Variants in TCOF1 observed in about 807,000 individuals in gnomAD.
TCOF1 encodes treacle protein.
TCOF1 carries 33 observed loss-of-function variants against 149.0 expected under a neutral mutation model. The observed-to-expected ratio is 0.22, with a 90% CI of 0.17 to 0.30. TCOF1 has a LOEUF of 0.30. TCOF1 is among the 10% of genes least tolerant of loss of function. The pLI is 1.00. For synonymous variants in TCOF1, 789 were observed against 738.8 expected (o/e 1.07, Z -1.10); for missense variants, 1,728 against 1,840.7 (o/e 0.94, Z 1.12).
intron 1 of TCOF1, among the ~76,000 whole-genome samples, chr5:150,360,153 C>T (rs1554130461): frequency 6.6e-6 from 1 of 152,208 alleles, no homozygotes; most frequent in Non-Finnish European, 1.5e-5. Flanking sequence ...AACCAGATAG[C>T]AGCCTGCAAG....
chr5:150,397,554 ATGC>A (rs147565688), intron 24 of TCOF1, among the ~76,000 whole-genome samples: 1 of 152,268 alleles, frequency 6.6e-6, no homozygotes, highest in Non-Finnish European at 1.5e-5. Context: ...AGAAGTAGAG[ATGC>A]TGTTCAGGGC....
At chr5:150,396,172 C>T in intron 23 of TCOF1, 110 bp from the exon 24 acceptor site, 2 of 1,253,412 alleles carry the variant, frequency 1.6e-6, no homozygotes, top group South Asian at 2.4e-5. Context: ...CCCATCTGTG[C>T]CATTGTAAGA....
At chr5:150,363,478 C>T (rs778495299) in intron 2 of TCOF1, among the ~76,000 whole-genome samples, 6 of 152,182 alleles carry the variant, frequency 3.9e-5, no homozygotes, top group African/African-American at 7.2e-5. Context: ...ACTCACTTTG[C>T]CATGAGCAAG....
chr5:150,381,765 T>C (rs766864002), intron 17 of TCOF1, among the ~76,000 whole-genome samples: 2 of 152,226 alleles, frequency 1.3e-5, no homozygotes, highest in Non-Finnish European at 2.9e-5. Flanking sequence ...GGATTGACTG[T>C]CTTAAAGTGC....
chr5:150,399,145 A>G, intron 26 of TCOF1, 75 bp downstream of exon 26: 3 of 1,598,294 alleles, frequency 1.9e-6, no homozygotes, highest in Non-Finnish European at 2.6e-6. Context: ...CCAGAGAGCC[A>G]GGCAGACCTG....
chr5:150,392,457 C>T, intron 21 of TCOF1: 1 of 609,438 alleles, frequency 1.6e-6, no homozygotes, highest in Non-Finnish European at 2.9e-6. Flanking sequence ...CAGTGGAAAG[C>T]AGGGAAATAG....
intron 3 of TCOF1, among the ~76,000 whole-genome samples, chr5:150,366,117 C>CAA (rs1189483486): frequency 1.2e-4 from 11 of 95,386 alleles, no homozygotes; most frequent in Admixed American, 2.4e-4. Context: ...AAGACTGTCT[C>CAA]AAAAAAAAAA....
rs912255361 is a variant in TCOF1 at position 150,389,582 on chromosome 5, G to A, written c.3047-305G>A. 2.0e-5 allele frequency among the ~76,000 whole-genome samples: 3 copies of A among 152,220 alleles called. 1 individual carries two copies. Among genetic ancestry groups the A allele is most frequent in the Admixed American group, 1.3e-4 (2 of 15,284 alleles). ...GACGATTTTAACTGCAAGGAGAGTC[G>A]TTTGGTGCCGGTGCTCTGGCCCATT... On this transcript the variant is annotated intron_variant, in intron 18 of 26. Transcript: ENST00000643257.
intron 14 of TCOF1, among the ~76,000 whole-genome samples, chr5:150,377,367 G>A (rs1323966669): frequency 6.6e-6 from 1 of 152,170 alleles, no homozygotes; most frequent in Non-Finnish European, 1.5e-5. Context: ...ACCCAGCAAG[G>A]GAGCTGCACA....
In TCOF1 at chr5:150,376,263, A is replaced by C. The variant is rs1284528004; in HGVS notation, c.2075A>C (p.Asp692Ala). Reference protein sequence around the residue: ...VAGGTQRPAEDSSSSEESDSE... With the variant: ...VAGGTQRPAEASSSSEESDSE... ...GGGGGCACCCAGAGACCAGCAGAGG[A>C]TTCTTCAAGCAGTGAGGAATCAGAT... is the stretch of plus-strand genomic sequence containing the variant. The change falls in exon 13 of 27, where the codon GAT becomes GCT. Residue 692 changes from aspartate to alanine, a missense_variant. Transcript: ENST00000643257. The C allele has an allele frequency of 6.2e-7, 1 of 1,614,066 alleles. No individual in the cohort carries two copies. The highest frequency in any genetic ancestry group is 8.5e-7 in the Non-Finnish European group (1 of 1,180,030).
In TCOF1 at chr5:150,361,120, G is replaced by A. The variant is rs746996870; in HGVS notation, c.109-36G>A. The A allele has an allele frequency of 3.0e-5, 48 of 1,613,786 alleles. 1 individual carries two copies. In the East Asian group the frequency reaches 1.0e-3, roughly 35 times the overall value. On this transcript the variant is annotated intron_variant, in intron 1 of 26. Transcript: ENST00000643257. ...CCCAAGAAGGATCCTTACTGTGCTGGGGATTAATTGTGGCTTTCTCTTTAC... is the reference window on the plus strand; with the variant it reads ...CCCAAGAAGGATCCTTACTGTGCTGAGGATTAATTGTGGCTTTCTCTTTAC...
chr5:150,374,218 C>T lies in TCOF1; in HGVS notation c.915C>T (p.Ala305=). ...EKILQVRAAS[A]PAKGTPGKGA... ...TTCTCCAGGTCAGAGCTGCCTCAGC[C>T]CCTGCCAAGGGGACCCCTGGGAAAG... Residue 305 remains alanine, a synonymous_variant, in exon 8 of 27, where the codon GCC becomes GCT. Transcript: ENST00000643257. 1 of 1,612,810 alleles carries T rather than the reference C, an allele frequency of 6.2e-7. No individual in the cohort carries two copies. The highest frequency in any genetic ancestry group is 8.5e-7 in the Non-Finnish European group (1 of 1,179,532).
At chr5:150,395,398 G>A (rs1335641670) in intron 23 of TCOF1, among the ~76,000 whole-genome samples, 1 of 152,196 alleles carries the variant, frequency 6.6e-6, no homozygotes, top group Non-Finnish European at 1.5e-5. Context: ...TAGAGCCGGT[G>A]AGGAGACCCA....
intron 17 of TCOF1, chr5:150,383,779 C>A: frequency 6.4e-7 from 1 of 1,551,814 alleles, no homozygotes; most frequent in Non-Finnish European, 8.7e-7. Flanking sequence ...TGCCCAGGAC[C>A]CTCTCTCAAG....
chr5:150,384,566 G>T, intron 17 of TCOF1: 1 of 985,480 alleles, frequency 1.0e-6, no homozygotes, highest in East Asian at 1.1e-4. Context: ...CAACTGGGAG[G>T]GAGGGGACCG....
rs751856735 is a variant in TCOF1 at position 150,374,821 on chromosome 5, A to G, written c.1278+10A>G. 2 of 1,604,092 alleles carry G rather than the reference A, an allele frequency of 1.2e-6. No homozygotes were observed. The highest frequency in any genetic ancestry group is 1.7e-6 in the Non-Finnish European group (2 of 1,175,972). The stretch of plus-strand genomic sequence containing the variant: ...GGAGGCGCCTGCTCAGGTGAGGCAG[A>G]GGGGAGGGGTGGAGAGTAGCCCCAT... On this transcript the variant is annotated intron_variant, in intron 9 of 26. Transcript: ENST00000643257.
intron 17 of TCOF1, among the ~76,000 whole-genome samples, chr5:150,385,930 A>C (rs1219949368): frequency 6.6e-6 from 1 of 152,094 alleles, no homozygotes; most frequent in Non-Finnish European, 1.5e-5. Context: ...TCCAGTTTCC[A>C]CAGTGCATTG....
intron 8 of TCOF1, 53 bp from the exon 9 acceptor site, chr5:150,374,564 G>A: frequency 6.2e-7 from 1 of 1,610,758 alleles, no homozygotes; most frequent in Non-Finnish European, 8.5e-7. Flanking sequence ...GGTGTCCTGT[G>A]TCTCCTCACA....
Position 150,393,533 on chromosome 5 carries a change from C to T in TCOF1, c.3765C>T (p.Gly1255=), listed in dbSNP as rs764814497. The change falls in exon 23 of 27, where the codon GGC becomes GGT. Residue 1255 remains glycine (G), a synonymous_variant. Transcript: ENST00000643257. ...KQEAKPQQAA[G]MLSPKTGGKE... is the part of the protein sequence containing the mutation. Reference sequence around the variant, plus strand: ...AGGCAAAGCCCCAACAGGCAGCAGGCATGTTGTCCCCTAAAACAGGTAAGT... The same window carrying T: ...AGGCAAAGCCCCAACAGGCAGCAGGTATGTTGTCCCCTAAAACAGGTAAGT... The T allele has an allele frequency of 7.4e-6, 12 of 1,614,178 alleles. No homozygotes were observed. The highest frequency in any genetic ancestry group is 1.0e-5 in the Non-Finnish European group (12 of 1,180,032).
Sources: gnomAD v4.1 joint callset for allele counts (sites outside exome capture counted in the v4.1 genomes callset) on GRCh38, gnomAD v4.1.1 for gene constraint, MANE v1.5 for transcripts, NCBI Gene and HGNC (gene_info 2026-07-23, HGNC 2026-07-21) for gene names.